Variants in STAG1 observed in about 807,000 individuals in gnomAD.
STAG1 encodes cohesin subunit SA-1.
A neutral mutation model predicts 170.9 loss-of-function variants in STAG1; 26 were observed. That is an observed-to-expected ratio of 0.15 (90% CI 0.11 to 0.21). The LOEUF is 0.21. Ranked by LOEUF, STAG1 falls within the 10% of genes least tolerant of loss-of-function variation. STAG1 has a pLI of 1.00. For synonymous variants in STAG1, 514 were observed against 497.7 expected (o/e 1.03, Z -0.44); for missense variants, 964 against 1,509.5 (o/e 0.64, Z 5.99).
At chr3:136,514,628 C>T (rs9809602) in intron 7 of STAG1, among the ~76,000 whole-genome samples, 1,978 of 152,224 alleles carry the variant, frequency 0.013, 28 homozygotes, top group Middle Eastern at 0.031. Flanking sequence ...TTTACTGCGA[C>T]AATATTCACA....
intron 9 of STAG1, among the ~76,000 whole-genome samples, chr3:136,489,185 A>G (rs577241292): frequency 3.3e-5 from 5 of 152,378 alleles, no homozygotes; most frequent in Admixed American, 2.0e-4. Context: ...TTTACAGCAT[A>G]AAAGAATGAT....
chr3:136,630,190 A>G (rs1363182036), intron 2 of STAG1, among the ~76,000 whole-genome samples: 1 of 152,094 alleles, frequency 6.6e-6, no homozygotes, highest in African/African-American at 2.4e-5. Flanking sequence ...GGAAAATTCC[A>G]TCTCAAAAGA....
chr3:136,557,870 A>G (rs1238594261), intron 5 of STAG1, among the ~76,000 whole-genome samples: 2 of 152,216 alleles, frequency 1.3e-5, no homozygotes, highest in African/African-American at 4.8e-5. Context: ...CAAAAAGCCC[A>G]TAAAAGAAAA....
At chr3:136,614,645 T>A in intron 3 of STAG1, among the ~76,000 whole-genome samples, 1 of 152,232 alleles carries the variant, frequency 6.6e-6, no homozygotes, top group East Asian at 1.9e-4. Context: ...TAAATGTGTA[T>A]CTACATTTCT....
chr3:136,676,498 T>C (rs1410912835), intron 1 of STAG1, among the ~76,000 whole-genome samples: 2 of 152,162 alleles, frequency 1.3e-5, no homozygotes, highest in African/African-American at 4.8e-5. Context: ...CCAGCTAAAG[T>C]GAAGTGACTC....
intron 14 of STAG1, among the ~76,000 whole-genome samples, 181 bp downstream of exon 14, chr3:136,451,852 A>G (rs548529392): frequency 3.9e-4 from 60 of 152,290 alleles, no homozygotes; most frequent in Non-Finnish European, 1.2e-4. Flanking sequence ...CCACACCTAC[A>G]TATATATTCA....
In STAG1 at chr3:136,396,567, G is replaced by A. The variant is rs560733394; in HGVS notation, c.2277+2182C>T. Reference sequence around the variant, plus strand: ...TTTTTGGAGACAGTCTCGCTCTATCGCCCAGGCTGGAGTGCAGTGGCATGA... The same window carrying A: ...TTTTTGGAGACAGTCTCGCTCTATCACCCAGGCTGGAGTGCAGTGGCATGA... On this transcript the variant is annotated intron_variant, in intron 22 of 33. Coordinates refer to ENST00000383202, the MANE Select transcript of STAG1 (RefSeq NM_005862.3). Among the ~76,000 whole-genome samples the A allele has an allele frequency of 4.2e-4, 46 of 108,440 alleles. 1 individual carries two copies. Among genetic ancestry groups the A allele is most frequent in the African/African-American group, 1.5e-3 (38 of 25,710 alleles). The allele number at this position is 108,440 out of a possible 152,430, so 71.1% of individuals were successfully genotyped here.
intron 16 of STAG1, among the ~76,000 whole-genome samples, chr3:136,426,445 A>G (rs1038761814): frequency 1.3e-5 from 2 of 152,188 alleles, no homozygotes; most frequent in Non-Finnish European, 2.9e-5. Context: ...CTTGCAGACA[A>G]GCCATGTAGC....
At chr3:136,514,974 T>A (rs545839477) in intron 7 of STAG1, among the ~76,000 whole-genome samples, 1 of 152,084 alleles carries the variant, frequency 6.6e-6, no homozygotes, top group African/African-American at 2.4e-5. Flanking sequence ...GATGAGCTAA[T>A]GGAAGCAGCA....
At chr3:136,513,139 T>C (rs1424936230) in intron 7 of STAG1, among the ~76,000 whole-genome samples, 9 of 152,058 alleles carry the variant, frequency 5.9e-5, no homozygotes, top group Non-Finnish European at 1.0e-4. Context: ...GCAGATCACC[T>C]GAGGTCAGGA....
intron 21 of STAG1, among the ~76,000 whole-genome samples, chr3:136,414,081 G>A (rs2087705226): frequency 6.6e-6 from 1 of 152,188 alleles, no homozygotes; most frequent in Non-Finnish European, 1.5e-5. Context: ...TTTCAGTGGT[G>A]GAGGGTCTTG....
intron 4 of STAG1, among the ~76,000 whole-genome samples, chr3:136,594,171 T>C (rs111981336): frequency 6.8e-4 from 104 of 152,284 alleles, no homozygotes; most frequent in African/African-American, 2.4e-3. Flanking sequence ...AGTTAACAGG[T>C]AGAATTTAAA....
At chr3:136,554,667 G>C (rs1936537084) in intron 5 of STAG1, among the ~76,000 whole-genome samples, 1 of 152,050 alleles carries the variant, frequency 6.6e-6, no homozygotes, top group African/African-American at 2.4e-5. Context: ...GGTTGAGAGG[G>C]GAGGACTGCT....
intron 1 of STAG1, among the ~76,000 whole-genome samples, chr3:136,739,689 T>C (rs1173821376): frequency 6.6e-6 from 1 of 151,610 alleles, no homozygotes; most frequent in African/African-American, 2.4e-5. Context: ...CCAGATGTGG[T>C]GGCAGGCACC....
chr3:136,347,280 C>T (rs1351320026), intron 29 of STAG1, among the ~76,000 whole-genome samples: 1 of 150,356 alleles, frequency 6.7e-6, no homozygotes. Context: ...CCTGTAATCC[C>T]AGCTACTTGG....
At chr3:136,466,867 G>A (rs900313713) in intron 12 of STAG1, among the ~76,000 whole-genome samples, 2 of 152,182 alleles carry the variant, frequency 1.3e-5, no homozygotes, top group Non-Finnish European at 2.9e-5. Flanking sequence ...TTCAAGAAAA[G>A]AATTTTCAAC....
intron 12 of STAG1, among the ~76,000 whole-genome samples, chr3:136,470,449 C>A (rs181492236): frequency 1.3e-5 from 2 of 152,294 alleles, no homozygotes; most frequent in Admixed American, 6.5e-5. Context: ...CCATCTCACA[C>A]CAGTTACAAT....
chr3:136,531,702 T>C (rs538456057), intron 6 of STAG1, among the ~76,000 whole-genome samples: 8 of 147,050 alleles, frequency 5.4e-5, no homozygotes, highest in South Asian at 2.2e-4. Context: ...TAGGTGGGAA[T>C]TGAACAATGA....
At chr3:136,396,219 T>TTG (rs2087149731) in intron 22 of STAG1, among the ~76,000 whole-genome samples, 2 of 145,046 alleles carry the variant, frequency 1.4e-5, no homozygotes, top group Non-Finnish European at 3.0e-5. Flanking sequence ...GTTTTTTTTT[T>TTG]TTTTTTTTTT....
Sources: allele counts gnomAD v4.1 joint callset (sites outside exome capture counted in the v4.1 genomes callset), GRCh38; gene constraint gnomAD v4.1.1; transcripts MANE v1.5; gene names NCBI Gene and HGNC (gene_info 2026-07-23, HGNC 2026-07-21).